BLMH: variants seen among roughly 807,000 people sequenced by gnomAD.
BLMH encodes BLM hydrolase.
In BLMH, 32 loss-of-function variants were observed where a neutral mutation model predicts 61.6. The ratio of observed to expected loss-of-function variants is 0.52; its 90% confidence interval spans 0.39 to 0.70. BLMH has a LOEUF of 0.70. Ranked by LOEUF, BLMH falls within the 30% of genes least tolerant of loss-of-function variation. The pLI, the probability that BLMH is intolerant of heterozygous loss-of-function variation, is 0.00. For missense variants in BLMH, 460 were observed against 555.5 expected (o/e 0.83, Z 1.73); for synonymous variants, 183 against 193.8 (o/e 0.94, Z 0.46).
intron 2 of BLMH, among the ~76,000 whole-genome samples, chr17:30,289,822 T>C (rs182697940): frequency 6.6e-6 from 1 of 152,324 alleles, no homozygotes; most frequent in East Asian, 1.9e-4. Context: ...ACAGGGAAAT[T>C]ATCTCTTTTC....
intron 6 of BLMH, among the ~76,000 whole-genome samples, chr17:30,284,823 G>A (rs1908684379): frequency 6.7e-6 from 1 of 150,366 alleles, no homozygotes. Flanking sequence ...TTATGTTTCA[G>A]CCACATGATT....
intron 7 of BLMH, 154 bp downstream of exon 7, chr17:30,273,888 G>A: frequency 1.1e-6 from 1 of 898,228 alleles, no homozygotes; most frequent in East Asian, 2.6e-5. Context: ...AACTTCATTA[G>A]CTGCATAAAA....
intron 6 of BLMH, among the ~76,000 whole-genome samples, chr17:30,275,608 C>T (rs1047657986): frequency 6.6e-5 from 10 of 152,170 alleles, no homozygotes; most frequent in African/African-American, 2.4e-4. Context: ...ATCCCTTGAA[C>T]CCAGGAGGCA....
In BLMH at chr17:30,277,088, A is replaced by T. The variant is rs141114320; in HGVS notation, c.646-2891T>A. Among the ~76,000 whole-genome samples the T allele has an allele frequency of 3.1e-3, 475 of 152,338 alleles. 3 individuals carry two copies. Among genetic ancestry groups the T allele is most frequent in the African/African-American group, 0.011 (461 of 41,570 alleles). The stretch of plus-strand genomic sequence containing the variant: ...ACAGAAGCAAGTTAACTTAGAGAAG[A>T]AGTTATGCTTGCCTGTCATTTTGTT... On this transcript the variant is annotated intron_variant, in intron 6 of 11. Transcript: ENST00000261714.
intron 10 of BLMH, among the ~76,000 whole-genome samples, chr17:30,267,218 T>C (rs1309643206): frequency 6.6e-6 from 1 of 152,202 alleles, no homozygotes; most frequent in Non-Finnish European, 1.5e-5. Context: ...TAAATACTAT[T>C]TCATCCTTTC....
intron 10 of BLMH, among the ~76,000 whole-genome samples, chr17:30,270,913 T>C (rs952631050): frequency 2.6e-5 from 4 of 152,204 alleles, no homozygotes; most frequent in Admixed American, 6.5e-5. Context: ...AATCTGAACA[T>C]AGGTCATCAA....
In BLMH at chr17:30,289,492, G is replaced by C; in HGVS notation, c.212-10C>G. The C allele has an allele frequency of 6.3e-7, 1 of 1,595,286 alleles. No homozygotes were observed. Among genetic ancestry groups the C allele is most frequent in the Non-Finnish European group, 8.6e-7 (1 of 1,167,062 alleles). On this transcript the variant is annotated splice_polypyrimidine_tract_variant and intron_variant, in intron 2 of 11. Transcript: ENST00000261714. ...AAGATCCAGCATCGCCCTGAAACAA[G>C]AAAGCACATCAAGAAATTATGAGGG...
At chr17:30,272,402 C>A in intron 9 of BLMH, 159 bp downstream of exon 9, 1 of 765,686 alleles carries the variant, frequency 1.3e-6, no homozygotes. Flanking sequence ...GGAGTTTCTG[C>A]TATGAGTCCT....
intron 6 of BLMH, among the ~76,000 whole-genome samples, chr17:30,281,092 G>GT (rs11316556): frequency 0.015 from 1,917 of 129,444 alleles, 24 homozygotes; most frequent in African/African-American, 0.043. Flanking sequence ...TTTCTTTGTT[G>GT]TTTTTTTTTT....
chr17:30,254,221 T>G (rs890732115), intron 11 of BLMH, among the ~76,000 whole-genome samples: 1 of 152,242 alleles, frequency 6.6e-6, no homozygotes, highest in Non-Finnish European at 1.5e-5. Context: ...GTGGCTATTA[T>G]TTTTTGCCAT....
At chr17:30,254,719 A>G (rs575235310) in intron 11 of BLMH, among the ~76,000 whole-genome samples, 10 of 152,228 alleles carry the variant, frequency 6.6e-5, no homozygotes, top group Non-Finnish European at 1.3e-4. Context: ...CTCATCATAA[A>G]AAGTCTTGGA....
In BLMH at chr17:30,285,403, G is replaced by A. The variant is rs1426241219; in HGVS notation, c.630C>T (p.Asp210=). ...TTGTTATTACCTCCTCCATCATGACGTCCTGTGTGGCCGAGATTTCTCCTT... is the reference window on the plus strand; with the variant it reads ...TTGTTATTACCTCCTCCATCATGACATCCTGTGTGGCCGAGATTTCTCCTT... The part of the protein sequence containing the change: ...ATKGEISATQ[D]VMMEEIFRVV... Residue 210 remains aspartate, a synonymous_variant, in exon 6 of 12, where the codon GAC becomes GAT. Coordinates refer to ENST00000261714, the MANE Select transcript of BLMH (RefSeq NM_000386.4). The A allele has an allele frequency of 3.7e-6, 6 of 1,611,016 alleles. No individual in the cohort carries two copies. Among genetic ancestry groups the A allele is most frequent in the East Asian group, 2.2e-5 (1 of 44,792 alleles).
chr17:30,258,174 T>G (rs1290113304), intron 11 of BLMH, among the ~76,000 whole-genome samples: 1 of 151,596 alleles, frequency 6.6e-6, no homozygotes, highest in Non-Finnish European at 1.5e-5. Flanking sequence ...CCATGTGTTC[T>G]AAGTGCATGT....
At chr17:30,262,275 C>A (rs1567832738) in intron 11 of BLMH, among the ~76,000 whole-genome samples, 1 of 152,164 alleles carries the variant, frequency 6.6e-6, no homozygotes, top group Non-Finnish European at 1.5e-5. Flanking sequence ...GGAATACAAT[C>A]TCATAACTAA....
Position 30,271,395 on chromosome 17 carries a change from A to G in BLMH, c.1029-7T>C, listed in dbSNP as rs1412282534. 4.4e-6 allele frequency: 7 copies of G among 1,604,178 alleles called. No homozygotes were observed. The East Asian group carries it at 1.1e-4, about 26-fold the overall frequency. On this transcript the variant is annotated splice_polypyrimidine_tract_variant and splice_region_variant and intron_variant, in intron 9 of 11. Transcript: ENST00000261714. ...CACTAACTCATGGTCATAGCTGTAA[A>G]AAGAATGATAGTACAAAATAAAGGG...
At chr17:30,278,005 T>C (rs1908468638) in intron 6 of BLMH, among the ~76,000 whole-genome samples, 1 of 152,212 alleles carries the variant, frequency 6.6e-6, no homozygotes, top group Non-Finnish European at 1.5e-5. Flanking sequence ...TTACCATGAC[T>C]ATAAATTATC....
intron 6 of BLMH, among the ~76,000 whole-genome samples, chr17:30,277,832 G>C (rs569781263): frequency 1.4e-4 from 22 of 152,198 alleles, no homozygotes; most frequent in Non-Finnish European, 2.8e-4. Context: ...TCTATAGTGA[G>C]TCCTTTTATA....
chr17:30,266,113 T>C (rs1001381659), intron 11 of BLMH, among the ~76,000 whole-genome samples: 5 of 152,210 alleles, frequency 3.3e-5, no homozygotes, highest in African/African-American at 1.2e-4. Context: ...AGTGTTCATT[T>C]CCACTTTAGG....
At chr17:30,249,351 C>T in intron 11 of BLMH, 183 bp from the exon 12 acceptor site, 1 of 680,820 alleles carries the variant, frequency 1.5e-6, no homozygotes. Flanking sequence ...ACAGGCATGG[C>T]TCTATTTTTA....
Sources: gnomAD v4.1 joint callset for allele counts (sites outside exome capture counted in the v4.1 genomes callset) on GRCh38, gnomAD v4.1.1 for gene constraint, MANE v1.5 for transcripts, NCBI Gene and HGNC (gene_info 2026-07-23, HGNC 2026-07-21) for gene names.